Variants in PRKN observed in about 807,000 individuals in gnomAD.
PRKN encodes parkin RBR E3 ubiquitin protein ligase.
A neutral mutation model predicts 59.5 loss-of-function variants in PRKN; 56 were observed. That is an observed-to-expected ratio of 0.94 (90% confidence interval 0.76 to 1.18). PRKN has a LOEUF of 1.18. Ranked by LOEUF, PRKN falls within the 50% of genes most tolerant of loss-of-function variation. PRKN has a pLI of 0.00. For missense variants in PRKN, 657 were observed against 596.4 expected (o/e 1.10, Z -1.06); for synonymous variants, 250 against 222.1 (o/e 1.13, Z -1.12).
chr6:161,623,628 C>CT (rs902551616), intron 7 of PRKN, among the ~76,000 whole-genome samples: 3 of 152,186 alleles, frequency 2.0e-5, no homozygotes, highest in African/African-American at 4.8e-5. Context: ...TATGCCCCTG[C>CT]TTTTTAATCT....
rs187238659 is a variant in PRKN at position 161,764,329 on chromosome 6, C to T, written c.871+21443G>A. On this transcript the variant is annotated intron_variant, in intron 7 of 11. Coordinates refer to ENST00000366898, the MANE Select transcript of PRKN (RefSeq NM_004562.3). ...TGCAAACCGTTGCTTCTCCCTGTGA[C>T]GCAGAGCCTGCAGTGTAGTAGATAC... Among the ~76,000 whole-genome samples the T allele has an allele frequency of 1.4e-4, 21 of 152,334 alleles. No individual in the cohort carries two copies. In the East Asian group the frequency reaches 3.3e-3, roughly 24 times the overall value.
intron 2 of PRKN, among the ~76,000 whole-genome samples, chr6:162,338,687 TG>T (rs1783969252): frequency 6.6e-6 from 1 of 151,942 alleles, no homozygotes; most frequent in African/African-American, 2.4e-5. Flanking sequence ...GTCTGGGAAG[TG>T]AGGAGTGTCT....
At chr6:162,416,124 G>A (rs1788619841) in intron 2 of PRKN, among the ~76,000 whole-genome samples, 1 of 152,118 alleles carries the variant, frequency 6.6e-6, no homozygotes, top group South Asian at 2.1e-4. Flanking sequence ...GTGGACATTT[G>A]TGCTAATGGC....
At chr6:162,343,824 A>C (rs1462772457) in intron 2 of PRKN, among the ~76,000 whole-genome samples, 2 of 152,204 alleles carry the variant, frequency 1.3e-5, no homozygotes, top group Non-Finnish European at 2.9e-5. Flanking sequence ...CATGATTTCT[A>C]ATGTTGCAAG....
intron 3 of PRKN, among the ~76,000 whole-genome samples, chr6:162,213,731 C>T (rs1324669866): frequency 6.8e-6 from 1 of 147,820 alleles, no homozygotes; most frequent in Non-Finnish European, 1.5e-5. Context: ...TGACACCCTG[C>T]CTTAAAAAAA....
intron 6 of PRKN, among the ~76,000 whole-genome samples, chr6:161,801,929 T>C (rs188154662): frequency 3.9e-5 from 6 of 152,326 alleles, no homozygotes; most frequent in African/African-American, 1.2e-4. Flanking sequence ...ATTCAACTAA[T>C]GGTTGTGCTG....
intron 10 of PRKN, among the ~76,000 whole-genome samples, chr6:161,370,449 G>A (rs982484729): frequency 7.4e-4 from 112 of 151,290 alleles, no homozygotes; most frequent in Admixed American, 2.4e-3. Flanking sequence ...AAAATTAGCC[G>A]GGCGTGGTGG....
intron 4 of PRKN, among the ~76,000 whole-genome samples, chr6:162,125,882 A>G (rs1781104336): frequency 6.6e-6 from 1 of 152,148 alleles, no homozygotes; most frequent in South Asian, 2.1e-4. Context: ...TTGGAGGGTG[A>G]ATTGCTGTAT....
chr6:162,047,272 T>G (rs562054136), intron 5 of PRKN, among the ~76,000 whole-genome samples: 93 of 152,330 alleles, frequency 6.1e-4, no homozygotes, highest in African/African-American at 2.2e-3. Flanking sequence ...TTTTCCACTC[T>G]CTACATTTAA....
At chr6:161,411,235 G>T (rs1657747913) in intron 9 of PRKN, among the ~76,000 whole-genome samples, 1 of 152,110 alleles carries the variant, frequency 6.6e-6, no homozygotes, top group Non-Finnish European at 1.5e-5. Context: ...CAAGAGTGGG[G>T]CCAAGTGGAG....
chr6:161,684,686 C>A, intron 7 of PRKN, among the ~76,000 whole-genome samples: 1 of 150,966 alleles, frequency 6.6e-6, no homozygotes, highest in African/African-American at 2.4e-5. Flanking sequence ...AGTTTTAAAG[C>A]ATATTTTAAA....
rs2115297348 is a variant in PRKN at position 161,499,461 on chromosome 6, A to C, written c.1083+49393T>G. On this transcript the variant is annotated intron_variant, in intron 9 of 11. Transcript: ENST00000366898. This position sits in a 1 kb window ranked among gnomAD's most constrained non-coding sequence, Gnocchi z 4.2. ...TGAAAAGCTAAGATCAGTGTTTCCCACCCCTCATTTCTCTCGTTCATGTCA... is the reference window on the plus strand; with the variant it reads ...TGAAAAGCTAAGATCAGTGTTTCCCCCCCCTCATTTCTCTCGTTCATGTCA... Among the ~76,000 whole-genome samples the C allele has an allele frequency of 6.6e-6, 1 of 152,064 alleles. No individual in the cohort carries two copies. Among genetic ancestry groups the C allele is most frequent in the African/African-American group, 2.4e-5 (1 of 41,474 alleles).
chr6:162,087,162 T>C (rs71567633), intron 4 of PRKN, among the ~76,000 whole-genome samples: 1 of 152,112 alleles, frequency 6.6e-6, no homozygotes. Flanking sequence ...CCAGTGTTTG[T>C]TTTATTTTTG....
In PRKN at chr6:162,560,152, T is replaced by G. The variant is rs528600101; in HGVS notation, c.8-116679A>C. Reference sequence around the variant, plus strand: ...CCTACTACATTCGTTAATAAAGAGGTTATAATTAGGTTTCAAAGACAGCAT... The same window carrying G: ...CCTACTACATTCGTTAATAAAGAGGGTATAATTAGGTTTCAAAGACAGCAT... On this transcript the variant is annotated intron_variant, in intron 1 of 11. Coordinates refer to ENST00000366898, the MANE Select transcript of PRKN (RefSeq NM_004562.3). Among the ~76,000 whole-genome samples the G allele has an allele frequency of 2.6e-5, 4 of 152,254 alleles. No homozygotes were observed. The South Asian group carries it at 8.3e-4, about 32-fold the overall frequency.
At chr6:162,130,829 T>C (rs1466807716) in intron 4 of PRKN, among the ~76,000 whole-genome samples, 1 of 152,134 alleles carries the variant, frequency 6.6e-6, no homozygotes, top group Non-Finnish European at 1.5e-5. Flanking sequence ...TGGAGATAAA[T>C]AATATTTTTG....
intron 1 of PRKN, among the ~76,000 whole-genome samples, chr6:162,589,501 C>T: frequency 6.6e-6 from 1 of 152,114 alleles, no homozygotes; most frequent in East Asian, 1.9e-4. Flanking sequence ...CTCATAAGTA[C>T]ACTTTTTTTT....
intron 9 of PRKN, among the ~76,000 whole-genome samples, chr6:161,406,311 T>C (rs1416170141): frequency 6.6e-6 from 1 of 152,022 alleles, no homozygotes; most frequent in African/African-American, 2.4e-5. Context: ...TTCAAAGTCA[T>C]GAAGTTTAGT....
At chr6:161,897,922 G>A (rs112177019) in intron 6 of PRKN, among the ~76,000 whole-genome samples, 259 of 119,342 alleles carry the variant, frequency 2.2e-3, no homozygotes, top group Middle Eastern at 7.2e-3. Context: ...AGCTGAGATC[G>A]CGCCACTGCA....
intron 6 of PRKN, among the ~76,000 whole-genome samples, chr6:161,818,134 G>A (rs1179830987): frequency 2.0e-5 from 3 of 152,116 alleles, no homozygotes; most frequent in Non-Finnish European, 4.4e-5. Context: ...TGGGTAGGGG[G>A]AAATGGACAG....
Sources: allele counts gnomAD v4.1 joint callset (sites outside exome capture counted in the v4.1 genomes callset), GRCh38; gene constraint gnomAD v4.1.1; non-coding constraint Gnocchi (gnomAD v3.1); transcripts MANE v1.5; gene names NCBI Gene and HGNC (gene_info 2026-07-23, HGNC 2026-07-21).